MGST2: variants seen among roughly 807,000 people sequenced by gnomAD.
MGST2 encodes glutathione peroxidase MGST2.
Under a neutral mutation model 16.6 loss-of-function variants are expected in MGST2, and 9 were observed. The ratio of observed to expected loss-of-function variants is 0.54; its 90% CI spans 0.33 to 0.95. The LOEUF (loss-of-function observed/expected upper bound fraction) is 0.95, where lower values mean the gene tolerates loss of function less well. Among genes scored for constraint, MGST2 ranks in the 40% least tolerant of loss-of-function variants. The probability of loss-of-function intolerance (pLI) is 0.03; values close to 1 mark genes in which losing one functional copy is unlikely to be tolerated. For synonymous variants in MGST2, 79 were observed against 68.0 expected (o/e 1.16, Z -0.79); for missense variants, 159 against 175.1 (o/e 0.91, Z 0.52).
At chr4:139,709,071 A>AATTTTTTTTTTTTT (rs755140695), downstream of MGST2, among the ~76,000 whole-genome samples, 2 of 81,970 alleles carry the variant, frequency 2.4e-5, no homozygotes, top group Admixed American at 1.7e-4. Flanking sequence ...AATGGAAAAA[A>AATTTTTTTTTTTTT]TTTTTTTTTT....
intron 2 of MGST2, among the ~76,000 whole-genome samples, chr4:139,687,454 A>T (rs896028444): frequency 4.3e-4 from 66 of 152,314 alleles, no homozygotes; most frequent in African/African-American, 1.6e-3. Flanking sequence ...GTTCAGTCCA[A>T]AGCCTACTTG....
intron 5 of MGST2, among the ~76,000 whole-genome samples, chr4:139,726,509 A>T (rs1728478692): frequency 6.6e-6 from 1 of 152,182 alleles, no homozygotes; most frequent in Non-Finnish European, 1.5e-5. Context: ...GCCCAACATC[A>T]GCCTGCATGC....
At chr4:139,695,325 A>G (rs1323483030) in intron 3 of MGST2, 58 bp downstream of exon 3, 14 of 1,416,776 alleles carry the variant, frequency 9.9e-6, no homozygotes, top group Non-Finnish European at 1.3e-5. Context: ...TTAAACGATT[A>G]AGGAGTAGAT....
intron 5 of MGST2, chr4:139,725,933 A>G: frequency 1.0e-6 from 1 of 966,686 alleles, no homozygotes; most frequent in Non-Finnish European, 1.6e-6. Context: ...TGTTTTCCCC[A>G]AAACTAAACT....
In MGST2 at chr4:139,678,615, C is replaced by T. The variant is rs1429191917; in HGVS notation, c.131C>T (p.Pro44Leu). ...KVTPPAVTGS[P>L]EFERVFRAQQ... Reference sequence around the variant, plus strand: ...ACGCCCCCAGCAGTCACTGGGTCACCAGAGTTTGAGAGAGTATTTCGGGCA... The same window carrying T: ...ACGCCCCCAGCAGTCACTGGGTCACTAGAGTTTGAGAGAGTATTTCGGGCA... Residue 44 changes from proline (P) to leucine (L), a missense_variant, in exon 2 of 5, where the codon CCA becomes CTA. By Grantham distance (98) the Pro-to-Leu change is moderately conservative. Coordinates refer to ENST00000265498, the MANE Select transcript of MGST2 (RefSeq NM_002413.5). 1.2e-6 allele frequency: 2 copies of T among 1,613,904 alleles called. No homozygotes were observed. Among genetic ancestry groups the T allele is most frequent in the South Asian group, 2.2e-5 (2 of 91,076 alleles).
chr4:139,717,253 G>GC (rs148633395), intron 5 of MGST2: 14,286 of 152,492 alleles, frequency 0.094, 858 homozygotes, highest in East Asian at 0.26. Flanking sequence ...AGATAATGGA[G>GC]CCCCCCACCC....
chr4:139,730,491 C>T (rs1728660208), intron 5 of MGST2: 1 of 1,553,938 alleles, frequency 6.4e-7, no homozygotes, highest in Non-Finnish European at 8.7e-7. Context: ...GCTTCTGCTG[C>T]TCTATCAACT....
rs809468 is a variant in MGST2 at position 139,665,890 on chromosome 4, A to G, written c.-130A>G. Reference sequence around the variant, plus strand: ...TTCTGTTCCAGAGCAAAGGTCATTCAGCCGCTTGAATCAGCCTTTTCCCCC... The same window carrying G: ...TTCTGTTCCAGAGCAAAGGTCATTCGGCCGCTTGAATCAGCCTTTTCCCCC... On this transcript the variant is annotated 5_prime_UTR_variant, in exon 1 of 5. Transcript: ENST00000265498. 3,212 of 878,858 alleles carry G rather than the reference A, an allele frequency of 3.7e-3. 62 individuals are homozygous for G. In the African/African-American group the frequency reaches 0.046, roughly 13 times the overall value. The allele number at this position is 878,858 out of a possible 1,614,324, so 54.4% of individuals were successfully genotyped here.
intron 1 of MGST2, among the ~76,000 whole-genome samples, chr4:139,673,019 A>C (rs1178940245): frequency 2.6e-5 from 4 of 152,188 alleles, no homozygotes; most frequent in African/African-American, 9.7e-5. Context: ...ATCCTGTTCC[A>C]GTAGGAAACA....
chr4:139,736,499 G>A (rs1728952794), intron 5 of MGST2, among the ~76,000 whole-genome samples: 1 of 152,080 alleles, frequency 6.6e-6, no homozygotes, highest in South Asian at 2.1e-4. Flanking sequence ...CCCACCCCCT[G>A]AAATGAAAAC....
At chr4:139,743,182 G>A (rs529961139), downstream of MGST2, among the ~76,000 whole-genome samples, 24 of 152,296 alleles carry the variant, frequency 1.6e-4, no homozygotes, top group East Asian at 2.1e-3. Flanking sequence ...AAAGTTACAC[G>A]CCTCCTTTAA....
intron 5 of MGST2, among the ~76,000 whole-genome samples, chr4:139,721,903 C>T (rs1320576558): frequency 2.6e-5 from 4 of 152,034 alleles, no homozygotes; most frequent in Admixed American, 2.6e-4. Context: ...AAATTTTTAT[C>T]GGCTGCATGG....
At chr4:139,725,401 T>C (rs1397773209) in intron 5 of MGST2, among the ~76,000 whole-genome samples, 2 of 152,188 alleles carry the variant, frequency 1.3e-5, no homozygotes, top group Non-Finnish European at 2.9e-5. Context: ...AAAATTGATA[T>C]GCAGCCAACA....
chr4:139,707,900 G>C (rs1429482988), downstream of MGST2, among the ~76,000 whole-genome samples: 1 of 151,780 alleles, frequency 6.6e-6, no homozygotes, highest in Non-Finnish European at 1.5e-5. Context: ...TTTTGATGGG[G>C]TTGTTTGTTT....
downstream of MGST2, among the ~76,000 whole-genome samples, chr4:139,704,638 G>C (rs1727447046): frequency 6.6e-6 from 1 of 152,100 alleles, no homozygotes; most frequent in East Asian, 1.9e-4. Context: ...ACAGGTTATA[G>C]AAGGCTGGGC....
In MGST2 at chr4:139,666,056, A is replaced by C. The variant is rs781039537; in HGVS notation, c.37A>C (p.Ile13Leu). 1 of 1,613,796 alleles carries C rather than the reference A, an allele frequency of 6.2e-7. No homozygotes were observed. The highest frequency in any genetic ancestry group is 1.7e-5 in the Admixed American group (1 of 59,974). ...GNSILLAAVS[I>L]LSACQQSYFA... ...CTCGATCCTGCTGGCTGCTGTCTCT[A>C]TTCTCTCGGCCTGTCAGCAAAGTAA... is the stretch of plus-strand genomic sequence containing the variant. Residue 13 changes from isoleucine (I) to leucine (L), a missense_variant, in exon 1 of 5, where the codon ATT becomes CTT. Ile to Leu is a conservative substitution (Grantham distance 5). Coordinates refer to ENST00000265498, the MANE Select transcript of MGST2 (RefSeq NM_002413.5).
At chr4:139,701,530 C>G (rs745487939) in intron 3 of MGST2, among the ~76,000 whole-genome samples, 4 of 152,184 alleles carry the variant, frequency 2.6e-5, no homozygotes, top group Non-Finnish European at 4.4e-5. Flanking sequence ...ATTTCTTTCA[C>G]AGCACTTTCA....
chr4:139,708,604 T>G (rs1379527912), downstream of MGST2, among the ~76,000 whole-genome samples: 1 of 152,162 alleles, frequency 6.6e-6, no homozygotes, highest in Non-Finnish European at 1.5e-5. Context: ...GTGAAGAAAG[T>G]CATTGGTAGC....
downstream of MGST2, among the ~76,000 whole-genome samples, chr4:139,709,028 G>GA (rs1273503211): frequency 2.7e-5 from 3 of 110,984 alleles, no homozygotes; most frequent in African/African-American, 1.0e-4. Flanking sequence ...AAAAGAAAAA[G>GA]AAAAAAACAA....
Sources: gnomAD v4.1 joint callset for allele counts (sites outside exome capture counted in the v4.1 genomes callset) on GRCh38, gnomAD v4.1.1 for gene constraint, MANE v1.5 for transcripts, NCBI Gene and HGNC (gene_info 2026-07-23, HGNC 2026-07-21) for gene names.